NUP210L: variants seen among roughly 807,000 people sequenced by gnomAD.
NUP210L encodes nuclear pore membrane glycoprotein 210-like.
Under a neutral mutation model 208.5 loss-of-function variants are expected in NUP210L, and 74 were observed. The ratio of observed to expected loss-of-function variants is 0.35; its 90% confidence interval spans 0.29 to 0.43. The LOEUF is 0.43. NUP210L is among the 20% of genes least tolerant of loss of function. The pLI is 1.00. For synonymous variants in NUP210L, 780 were observed against 816.9 expected (o/e 0.95, Z 0.77); for missense variants, 1,843 against 2,289.4 (o/e 0.81, Z 3.98).
At chr1:154,099,583 T>C (rs1342913437) in intron 14 of NUP210L, among the ~76,000 whole-genome samples, 1 of 152,160 alleles carries the variant, frequency 6.6e-6, no homozygotes, top group African/African-American at 2.4e-5. Context: ...CTTCCTTCCA[T>C]AGGACAGAAA....
chr1:154,110,754 T>C (rs943490568), intron 12 of NUP210L, among the ~76,000 whole-genome samples: 1 of 151,316 alleles, frequency 6.6e-6, no homozygotes, highest in Non-Finnish European at 1.5e-5. Context: ...GGTGTTCACC[T>C]GTATTCCCAG....
intron 4 of NUP210L, 124 bp from the exon 5 acceptor site, chr1:154,140,076 C>A: frequency 1.4e-6 from 1 of 737,156 alleles, no homozygotes; most frequent in Middle Eastern, 3.8e-4. Flanking sequence ...TTTGACTGGG[C>A]ATGGTAGCTC....
intron 35 of NUP210L, among the ~76,000 whole-genome samples, chr1:154,004,242 T>C (rs1388710188): frequency 6.6e-6 from 1 of 151,696 alleles, no homozygotes; most frequent in Admixed American, 6.6e-5. Flanking sequence ...CTAATTTTTT[T>C]GTATTTTTAG....
chr1:154,113,800 G>C (rs1280125448), intron 12 of NUP210L, among the ~76,000 whole-genome samples: 1 of 138,810 alleles, frequency 7.2e-6, no homozygotes, highest in Non-Finnish European at 1.5e-5. Flanking sequence ...GGAGGTTGCA[G>C]TGAGCTGAGA....
At chr1:154,126,390 T>C (rs1184953131) in exon 10 of NUP210L, 2 of 1,613,154 alleles carry the variant, frequency 1.2e-6, no homozygotes, top group Non-Finnish European at 1.7e-6. Context: ...TTTTACTATA[T>C]GGTAAGATCC....
intron 34 of NUP210L, among the ~76,000 whole-genome samples, chr1:154,010,696 C>T (rs1650855853): frequency 6.6e-6 from 1 of 151,912 alleles, no homozygotes; most frequent in Non-Finnish European, 1.5e-5. Context: ...CATGGAGAAA[C>T]CCCGTCTCTA....
At chr1:154,153,386 T>C (rs898429190) in intron 1 of NUP210L, among the ~76,000 whole-genome samples, 3 of 152,214 alleles carry the variant, frequency 2.0e-5, no homozygotes, top group African/African-American at 7.2e-5. Context: ...CTCAGCTCAC[T>C]GCAACATTCG....
rs747835495 is a variant in NUP210L at position 153,996,848 on chromosome 1, C to CTTTTTT, written c.5387-1674_5387-1669dup. 1.1e-4 allele frequency among the ~76,000 whole-genome samples: 11 copies of CTTTTTT among 103,730 alleles called. 1 individual carries two copies. The highest frequency in any genetic ancestry group is 2.0e-4 in the Non-Finnish European group (10 of 51,088). The allele number at this position is 103,730 out of a possible 152,430, so 68.1% of individuals were successfully genotyped here. The stretch of plus-strand genomic sequence containing the variant: ...ATCCTCAATAAAACTGTAGACTTGC[C>CTTTTTT]TTTTTTTTTTTTTTTTTTTTTGAGA... On this transcript the variant is annotated intron_variant, in intron 37 of 39. Transcript: ENST00000368559.
At chr1:154,120,387 A>G (rs1657551610) in intron 10 of NUP210L, among the ~76,000 whole-genome samples, 1 of 152,102 alleles carries the variant, frequency 6.6e-6, no homozygotes, top group Admixed American at 6.6e-5. Flanking sequence ...ACAAAAAACC[A>G]AACACCGTAT....
At chr1:154,000,967 A>T in exon 37 of NUP210L, 1 of 1,614,210 alleles carries the variant, frequency 6.2e-7, no homozygotes, top group Non-Finnish European at 8.5e-7. Flanking sequence ...AAGGAAGTGA[A>T]GTTGACCACT....
intron 16 of NUP210L, among the ~76,000 whole-genome samples, chr1:154,074,493 T>C (rs1345566317): frequency 6.6e-6 from 1 of 150,720 alleles, no homozygotes; most frequent in Non-Finnish European, 1.5e-5. Flanking sequence ...TCACGATTTT[T>C]TTTTTTTTTT....
At chr1:154,142,343 C>T (rs945816593) in intron 3 of NUP210L, among the ~76,000 whole-genome samples, 6 of 151,906 alleles carry the variant, frequency 3.9e-5, no homozygotes, top group African/African-American at 1.5e-4. Flanking sequence ...CATGAGCCAC[C>T]ACGTCCCACC....
chr1:154,024,274 G>A (rs943353352), intron 30 of NUP210L, among the ~76,000 whole-genome samples: 5 of 152,102 alleles, frequency 3.3e-5, no homozygotes, highest in African/African-American at 9.7e-5. Context: ...AGTGAAGCCC[G>A]CGTTTGAATC....
At chr1:154,133,937 G>A (rs1294245699) in intron 7 of NUP210L, among the ~76,000 whole-genome samples, 3 of 151,672 alleles carry the variant, frequency 2.0e-5, no homozygotes, top group Non-Finnish European at 4.4e-5. Flanking sequence ...ATCATCTGAG[G>A]TCAGGAGTTC....
At chr1:154,073,901 G>T (rs1654906203) in intron 16 of NUP210L, among the ~76,000 whole-genome samples, 1 of 151,968 alleles carries the variant, frequency 6.6e-6, no homozygotes, top group African/African-American at 2.4e-5. Flanking sequence ...TAAGCTGATT[G>T]TTAGCATCTC....
chr1:154,110,141 A>G (rs1656970300), intron 12 of NUP210L, among the ~76,000 whole-genome samples: 1 of 149,506 alleles, frequency 6.7e-6, no homozygotes, highest in African/African-American at 2.5e-5. Context: ...AGGCTGAGGC[A>G]GGAGAATCAC....
intron 12 of NUP210L, among the ~76,000 whole-genome samples, chr1:154,108,136 G>T (rs146405983): frequency 1.2e-4 from 18 of 152,108 alleles, no homozygotes; most frequent in East Asian, 1.2e-3. Flanking sequence ...GCAGGGGAAT[G>T]AAATTAAAGT....
chr1:154,020,509 C>T (rs1651491149), intron 32 of NUP210L, among the ~76,000 whole-genome samples: 2 of 151,946 alleles, frequency 1.3e-5, no homozygotes, highest in South Asian at 2.1e-4. Flanking sequence ...GCCACTACAC[C>T]GGGATAATTT....
chr1:154,001,946 T>A, exon 36 of NUP210L: 1 of 1,614,038 alleles, frequency 6.2e-7, no homozygotes, highest in Non-Finnish European at 8.5e-7. Context: ...TAGCAGCTCC[T>A]CTGACTGCGG....
Sources: allele counts gnomAD v4.1 joint callset (sites outside exome capture counted in the v4.1 genomes callset), GRCh38; gene constraint gnomAD v4.1.1; transcripts MANE v1.5; gene names NCBI Gene and HGNC (gene_info 2026-07-23, HGNC 2026-07-21).